Variants in BRINP3 observed in about 807,000 individuals in gnomAD.
The protein encoded by BRINP3 is BMP/retinoic acid-inducible neural-specific protein 3.
A neutral mutation model predicts 71.0 loss-of-function variants in BRINP3; 19 were observed. The ratio of observed to expected loss-of-function variants is 0.27; its 90% confidence interval spans 0.19 to 0.39. The LOEUF (loss-of-function observed/expected upper bound fraction) is 0.39, where lower values mean the gene tolerates loss of function less well. BRINP3 is among the 10% of genes least tolerant of loss of function. The pLI is 1.00. For missense variants in BRINP3, 959 were observed against 940.8 expected (o/e 1.02, Z -0.25); for synonymous variants, 380 against 337.7 (o/e 1.13, Z -1.37).
At chr1:190,389,601 G>T (rs1671124010) in intron 2 of BRINP3, among the ~76,000 whole-genome samples, 1 of 151,726 alleles carries the variant, frequency 6.6e-6, no homozygotes, top group African/African-American at 2.4e-5. Flanking sequence ...TCATGCACTG[G>T]GAAAGATATT....
chr1:190,245,491 A>T (rs918486448), intron 4 of BRINP3, among the ~76,000 whole-genome samples: 2 of 152,102 alleles, frequency 1.3e-5, no homozygotes, highest in Non-Finnish European at 2.9e-5. Flanking sequence ...TAATCATATT[A>T]TGCAGTGCTG....
chr1:190,470,104 C>T (rs1254797396), intron 1 of BRINP3, among the ~76,000 whole-genome samples: 1 of 150,876 alleles, frequency 6.6e-6, no homozygotes, highest in Non-Finnish European at 1.5e-5. Flanking sequence ...GAATTCTGGT[C>T]TTCCCAACTC....
intron 6 of BRINP3, among the ~76,000 whole-genome samples, chr1:190,202,375 T>C (rs1016972717): frequency 1.3e-5 from 2 of 152,286 alleles, no homozygotes; most frequent in African/African-American, 4.8e-5. Context: ...TGCTTTTGAT[T>C]TCACAGGATC....
At chr1:190,313,537 T>A (rs1404537607) in intron 2 of BRINP3, among the ~76,000 whole-genome samples, 1 of 152,066 alleles carries the variant, frequency 6.6e-6, no homozygotes, top group Non-Finnish European at 1.5e-5. Context: ...TTAACAATAA[T>A]CACATGTAAT....
intron 2 of BRINP3, among the ~76,000 whole-genome samples, chr1:190,282,572 A>C (rs1183028145): frequency 6.6e-6 from 1 of 152,024 alleles, no homozygotes; most frequent in Non-Finnish European, 1.5e-5. Flanking sequence ...GTGTTAATTC[A>C]TATTTATAAA....
chr1:190,262,467 C>G (rs1661269113), intron 4 of BRINP3, among the ~76,000 whole-genome samples: 1 of 152,028 alleles, frequency 6.6e-6, no homozygotes, highest in Non-Finnish European at 1.5e-5. Flanking sequence ...TCCTTTTTTC[C>G]TTAGTTACAG....
intron 2 of BRINP3, among the ~76,000 whole-genome samples, chr1:190,358,709 C>T (rs1668913001): frequency 6.6e-6 from 1 of 152,112 alleles, no homozygotes. Context: ...AGACACATGA[C>T]ACGTATGCTT....
At chr1:190,350,555 G>C (rs995026880) in intron 2 of BRINP3, among the ~76,000 whole-genome samples, 9 of 152,106 alleles carry the variant, frequency 5.9e-5, no homozygotes, top group African/African-American at 1.9e-4. Flanking sequence ...TGCATCCCTG[G>C]ATTCTCTAGC....
intron 4 of BRINP3, among the ~76,000 whole-genome samples, chr1:190,254,184 T>C (rs1660427675): frequency 6.6e-6 from 1 of 152,188 alleles, no homozygotes; most frequent in Non-Finnish European, 1.5e-5. Flanking sequence ...GTAGTATAGT[T>C]TGAAGTCAGG....
At chr1:190,387,853 T>C (rs1179380822) in intron 2 of BRINP3, among the ~76,000 whole-genome samples, 1 of 151,850 alleles carries the variant, frequency 6.6e-6, no homozygotes, top group Non-Finnish European at 1.5e-5. Context: ...ATTTCTTCAC[T>C]GAATTTTATT....
At chr1:190,153,174 G>T (rs1390829859) in intron 7 of BRINP3, among the ~76,000 whole-genome samples, 1 of 152,004 alleles carries the variant, frequency 6.6e-6, no homozygotes, top group Non-Finnish European at 1.5e-5. Context: ...TTCTTCTTCT[G>T]TTGTCCTCAA....
At chr1:190,272,446 A>G (rs986948391) in intron 3 of BRINP3, among the ~76,000 whole-genome samples, 1 of 151,464 alleles carries the variant, frequency 6.6e-6, no homozygotes, top group East Asian at 1.9e-4. Context: ...CATCTCTAAA[A>G]CAAAGAAAAT....
rs1655849711 is a variant in BRINP3 at position 190,210,015 on chromosome 1, A to G, written c.961+16067T>C. 2.6e-5 allele frequency among the ~76,000 whole-genome samples: 4 copies of G among 152,110 alleles called. No homozygotes were observed. The South Asian group carries it at 8.3e-4, about 32-fold the overall frequency. ...TATTGCTTAAAAGTTAAATTTATAT[A>G]CACATGGAAGAAGTAATACACAAAC... On this transcript the variant is annotated intron_variant, in intron 6 of 7. Coordinates refer to ENST00000367462, the MANE Select transcript of BRINP3 (RefSeq NM_199051.3).
chr1:190,157,609 A>T (rs1305918132), intron 7 of BRINP3, among the ~76,000 whole-genome samples: 4 of 152,070 alleles, frequency 2.6e-5, no homozygotes, highest in African/African-American at 9.7e-5. Flanking sequence ...CATGGTTTTC[A>T]AATTGCTTTT....
chr1:190,379,752 C>T (rs1196756750), intron 2 of BRINP3, among the ~76,000 whole-genome samples: 1 of 152,068 alleles, frequency 6.6e-6, no homozygotes, highest in East Asian at 1.9e-4. Context: ...GTAATCCCAG[C>T]ACTTTGGGAG....
intron 2 of BRINP3, among the ~76,000 whole-genome samples, chr1:190,294,592 C>T (rs568254669): frequency 1.7e-4 from 26 of 152,074 alleles, no homozygotes; most frequent in Non-Finnish European, 3.5e-4. Flanking sequence ...AGAGGGCAAA[C>T]CTCACCTCTC....
chr1:190,436,044 G>A (rs548914293), intron 2 of BRINP3, among the ~76,000 whole-genome samples: 1 of 151,860 alleles, frequency 6.6e-6, no homozygotes, highest in Non-Finnish European at 1.5e-5. Context: ...CCATCTGTTT[G>A]TGAATTCACT....
At chr1:190,347,803 C>T (rs968214160) in intron 2 of BRINP3, among the ~76,000 whole-genome samples, 1 of 152,004 alleles carries the variant, frequency 6.6e-6, no homozygotes, top group African/African-American at 2.4e-5. Context: ...TGCTTTATTT[C>T]TTTTCTGTTA....
At chr1:190,371,466 G>A (rs1187826038) in intron 2 of BRINP3, among the ~76,000 whole-genome samples, 1 of 152,062 alleles carries the variant, frequency 6.6e-6, no homozygotes, top group Non-Finnish European at 1.5e-5. Context: ...GCACCTTTGT[G>A]AAAAATCAAT....
Sources: allele counts gnomAD v4.1 joint callset (sites outside exome capture counted in the v4.1 genomes callset), GRCh38; gene constraint gnomAD v4.1.1; transcripts MANE v1.5; gene names NCBI Gene and HGNC (gene_info 2026-07-23, HGNC 2026-07-21).